GABRG1: variants seen among roughly 807,000 people sequenced by gnomAD.
The protein encoded by GABRG1 is gamma-aminobutyric acid type A receptor subunit gamma1.
Under a neutral mutation model 49.8 loss-of-function variants are expected in GABRG1, and 49 were observed. That is an observed-to-expected ratio of 0.98 (90% CI 0.78 to 1.25). The LOEUF (loss-of-function observed/expected upper bound fraction) is 1.25, where lower values mean the gene tolerates loss of function less well. Ranked by LOEUF, GABRG1 falls within the 50% of genes most tolerant of loss-of-function variation. The pLI, the probability that GABRG1 is intolerant of heterozygous loss-of-function variation, is 0.00. For synonymous variants in GABRG1, 232 were observed against 185.1 expected, an observed-to-expected ratio of 1.25 and a Z score of -2.06; for missense variants, 552 against 552.3, an observed-to-expected ratio of 1.00 and a Z score of 0.01.
intron 8 of GABRG1, among the ~76,000 whole-genome samples, chr4:46,046,432 A>G (rs1165208568): frequency 6.6e-6 from 1 of 152,080 alleles, no homozygotes; most frequent in Non-Finnish European, 1.5e-5. Flanking sequence ...ACTCTTTACA[A>G]TTGTTTAAGT....
intron 5 of GABRG1, among the ~76,000 whole-genome samples, chr4:46,059,908 T>C (rs1292896949): frequency 6.6e-6 from 1 of 152,218 alleles, no homozygotes; most frequent in African/African-American, 2.4e-5. Context: ...TTTGAGGAAC[T>C]GCTTGTTCAA....
chr4:46,066,896 A>G (rs1718939147), intron 3 of GABRG1, among the ~76,000 whole-genome samples: 1 of 151,462 alleles, frequency 6.6e-6, no homozygotes. Flanking sequence ...GTGTGTGTAT[A>G]TATGTGTGTG....
At chr4:46,079,112 G>T (rs78144380) in intron 3 of GABRG1, among the ~76,000 whole-genome samples, 4,934 of 147,724 alleles carry the variant, frequency 0.033, 205 homozygotes, top group South Asian at 0.21. Flanking sequence ...TTCGATTTTC[G>T]TTTTCTGTTA....
intron 3 of GABRG1, among the ~76,000 whole-genome samples, chr4:46,076,597 A>G (rs1719342388): frequency 6.6e-6 from 1 of 151,496 alleles, no homozygotes; most frequent in Non-Finnish European, 1.5e-5. Flanking sequence ...CAAGGCCAAA[A>G]ACCAAGTTTT....
chr4:46,039,385 T>A lies in GABRG1; in HGVS notation c.*1603A>T, dbSNP rs1462306358. ...AAATTATAAATAAATTAATTAAAAA[T>A]TTAAAAAACTAGATATTTCCAATAC... On this transcript the variant is annotated 3_prime_UTR_variant, in exon 9 of 9. Coordinates refer to ENST00000295452, the MANE Select transcript of GABRG1 (RefSeq NM_173536.4). 6.6e-6 allele frequency: 1 copy of A among 151,376 alleles called. No individual in the cohort carries two copies. Among genetic ancestry groups the A allele is most frequent in the Non-Finnish European group, 1.5e-5 (1 of 67,660 alleles). The allele number at this position is 151,376 out of a possible 1,614,324, so 9.4% of individuals were successfully genotyped here.
chr4:46,082,481 C>T (rs902787734), intron 3 of GABRG1, among the ~76,000 whole-genome samples: 6 of 151,724 alleles, frequency 4.0e-5, no homozygotes, highest in Non-Finnish European at 8.8e-5. Flanking sequence ...ACTATCCCTG[C>T]AGGAACCATA....
At chr4:46,069,444 T>C (rs553984653) in intron 3 of GABRG1, among the ~76,000 whole-genome samples, 37 of 152,232 alleles carry the variant, frequency 2.4e-4, no homozygotes, top group Non-Finnish European at 4.6e-4. Flanking sequence ...GCTTAATTAT[T>C]GTAAAAGCAC....
intron 2 of GABRG1, among the ~76,000 whole-genome samples, chr4:46,092,728 AC>A (rs1427495357): frequency 6.6e-6 from 1 of 152,014 alleles, no homozygotes; most frequent in Non-Finnish European, 1.5e-5. Context: ...AATGAAGGAC[AC>A]AAAAATACTG....
chr4:46,039,005 CTT>C lies in GABRG1; in HGVS notation c.*1981_*1982del, dbSNP rs1717650661. 6.6e-6 allele frequency: 1 copy of C among 151,634 alleles called. No homozygotes were observed. 9.4% of individuals were successfully genotyped at this position (151,634 alleles called of 1,614,324 possible). A position where few individuals can be genotyped will look rare whatever the true frequency, so the allele number is the denominator to read the frequency against. On this transcript the variant is annotated 3_prime_UTR_variant, in exon 9 of 9. Coordinates refer to ENST00000295452, the MANE Select transcript of GABRG1 (RefSeq NM_173536.4). ...TAAAATACAGTCATGCTCAGATACACTTGAAAGAGTCCCAAAATCAAAACTGT... is the reference window on the plus strand; with the variant it reads ...TAAAATACAGTCATGCTCAGATACACGAAAGAGTCCCAAAATCAAAACTGT...
chr4:46,114,098 T>C (rs1295404368), intron 1 of GABRG1, among the ~76,000 whole-genome samples: 1 of 151,054 alleles, frequency 6.6e-6, no homozygotes, highest in Non-Finnish European at 1.5e-5. Flanking sequence ...CTAAACCCTT[T>C]TGTAGAAAAG....
chr4:46,102,758 A>G (rs1033738130), intron 1 of GABRG1, among the ~76,000 whole-genome samples: 1 of 151,688 alleles, frequency 6.6e-6, no homozygotes, highest in African/African-American at 2.4e-5. Flanking sequence ...TATGTGGGAA[A>G]AAAACCTTTA....
chr4:46,069,007 G>A lies in GABRG1; in HGVS notation c.322-3423C>T, dbSNP rs550378714. ...CAGCATTAGTGAATAAATGTGAAGT[G>A]AGCCATTTTGATTCCTAACTTAATA... is the stretch of plus-strand genomic sequence containing the variant. On this transcript the variant is annotated intron_variant, in intron 3 of 8. Coordinates refer to ENST00000295452, the MANE Select transcript of GABRG1 (RefSeq NM_173536.4). 3.6e-4 allele frequency among the ~76,000 whole-genome samples: 55 copies of A among 152,184 alleles called. 1 individual carries two copies. The highest frequency in any genetic ancestry group is 2.1e-3 in the Admixed American group (32 of 15,260).
intron 1 of GABRG1, among the ~76,000 whole-genome samples, chr4:46,100,003 G>C (rs899389680): frequency 1.3e-5 from 2 of 151,616 alleles, no homozygotes; most frequent in African/African-American, 4.8e-5. Context: ...GTACTTCTAA[G>C]GATGCATTAT....
rs916906439 is a variant in GABRG1 at position 46,066,168 on chromosome 4, A to C, written c.322-584T>G. Among the ~76,000 whole-genome samples, 13 of 152,286 alleles carry C rather than the reference A, an allele frequency of 8.5e-5. 1 individual carries two copies. Among genetic ancestry groups the C allele is most frequent in the African/African-American group, 2.9e-4 (12 of 41,564 alleles). On this transcript the variant is annotated intron_variant, in intron 3 of 8. Coordinates refer to ENST00000295452, the MANE Select transcript of GABRG1 (RefSeq NM_173536.4). ...GTAGTATGTAGGATGTACTCATTAA[A>C]CTTAAAAGCAAGTTATCTTAATGTC...
At chr4:46,121,770 C>T (rs181978058) in intron 1 of GABRG1, among the ~76,000 whole-genome samples, 32 of 152,148 alleles carry the variant, frequency 2.1e-4, no homozygotes, top group Non-Finnish European at 4.3e-4. Flanking sequence ...ATTAGAACAA[C>T]AGCTTATAAA....
chr4:46,058,441 C>G, intron 6 of GABRG1, 44 bp downstream of exon 6: 3 of 1,599,452 alleles, frequency 1.9e-6, no homozygotes, highest in Non-Finnish European at 2.6e-6. Context: ...ATAAAAATGT[C>G]ATTTAATGCT....
chr4:46,073,041 A>G (rs1233336051), intron 3 of GABRG1, among the ~76,000 whole-genome samples: 3 of 152,100 alleles, frequency 2.0e-5, no homozygotes, highest in Admixed American at 6.6e-5. Context: ...AAGAGTTGTC[A>G]TATGCCATAA....
chr4:46,118,912 T>C (rs1560377850), intron 1 of GABRG1, among the ~76,000 whole-genome samples: 1 of 151,406 alleles, frequency 6.6e-6, no homozygotes, highest in Non-Finnish European at 1.5e-5. Context: ...CCATGTTAGA[T>C]AACTTTTGTA....
chr4:46,092,658 T>G (rs1242462901), intron 2 of GABRG1, among the ~76,000 whole-genome samples: 4 of 151,926 alleles, frequency 2.6e-5, no homozygotes, highest in African/African-American at 9.7e-5. Flanking sequence ...AGAAAATAAT[T>G]GCCAGACTTG....
Sources: allele counts gnomAD v4.1 joint callset (sites outside exome capture counted in the v4.1 genomes callset), GRCh38; gene constraint gnomAD v4.1.1; transcripts MANE v1.5; gene names NCBI Gene and HGNC (gene_info 2026-07-23, HGNC 2026-07-21).